Variants in SMARCC1 observed in about 807,000 individuals in gnomAD.
SMARCC1 encodes the protein SWI/SNF related BAF chromatin remodeling complex subunit C1.
Under a neutral mutation model 147.4 loss-of-function variants are expected in SMARCC1, and 43 were observed. The ratio of observed to expected loss-of-function variants is 0.29; its 90% confidence interval spans 0.23 to 0.38. The LOEUF (loss-of-function observed/expected upper bound fraction) is 0.38. Ranked by LOEUF, SMARCC1 falls within the 10% of genes least tolerant of loss-of-function variation. SMARCC1 has a pLI of 1.00. For synonymous variants in SMARCC1, 495 were observed against 484.4 expected, an observed-to-expected ratio of 1.02 and a Z score of -0.29; for missense variants, 1,119 against 1,381.1, an observed-to-expected ratio of 0.81 and a Z score of 3.01.
rs1553692339 is a variant in SMARCC1, at chr3:47,769,210, C to CCAAAAAAAA, written c.315+3606_315+3607insTTTTTTTTG. The stretch of plus-strand genomic sequence containing the variant: ...TGGATGACAGAGCGAGACTCCGTCT[C>CCAAAAAAAA]AAAAAAAAAAAAAAAAAAAAAAAGG... On this transcript the variant is annotated intron_variant, in intron 2 of 27. Transcript: ENST00000254480. Among the ~76,000 whole-genome samples, 3 of 33,102 alleles carry CCAAAAAAAA rather than the reference C, an allele frequency of 9.1e-5. 1 individual carries two copies. The highest frequency in any genetic ancestry group is 1.1e-4 in the Non-Finnish European group (2 of 18,986). The allele number at this position is 33,102 out of a possible 152,430, so 21.7% of individuals were successfully genotyped here.
At chr3:47,601,288 G>C (rs1250322283) in intron 26 of SMARCC1, among the ~76,000 whole-genome samples, 1 of 152,114 alleles carries the variant, frequency 6.6e-6, no homozygotes, top group Non-Finnish European at 1.5e-5. Context: ...TATTAGTAAA[G>C]GACCTTAATT....
intron 25 of SMARCC1, among the ~76,000 whole-genome samples, chr3:47,611,634 G>A (rs530830689): frequency 3.3e-5 from 5 of 152,262 alleles, no homozygotes; most frequent in Admixed American, 6.5e-5. Context: ...AGCAAGTTCT[G>A]TGGATAAACA....
intron 2 of SMARCC1, among the ~76,000 whole-genome samples, chr3:47,748,185 T>C (rs1224789577): frequency 6.6e-6 from 1 of 152,186 alleles, no homozygotes; most frequent in African/African-American, 2.4e-5. Context: ...ACATAAATTA[T>C]GCAAAAATTG....
Position 47,661,245 on chromosome 3 carries a change from G to A in SMARCC1, c.2320+49C>T, listed in dbSNP as rs748945277. 4.7e-6 allele frequency: 7 copies of A among 1,484,882 alleles called. No individual in the cohort carries two copies. In the South Asian group the frequency reaches 9.1e-5, roughly 19 times the overall value. The allele number at this position is 1,484,882 out of a possible 1,614,324, so 92.0% of individuals were successfully genotyped here. A position where few individuals can be genotyped will look rare whatever the true frequency, so the allele number is the denominator to read the frequency against. On this transcript the variant is annotated intron_variant, in intron 21 of 27. Coordinates refer to ENST00000254480, the MANE Select transcript of SMARCC1 (RefSeq NM_003074.4). ...CCCAATTATTTGAGTAAACTGACAG[G>A]AATACAAACATATATTAACCCTGTC...
At chr3:47,735,619 T>C (rs2034432532) in intron 5 of SMARCC1, among the ~76,000 whole-genome samples, 1 of 151,930 alleles carries the variant, frequency 6.6e-6, no homozygotes, top group Non-Finnish European at 1.5e-5. Flanking sequence ...AAAATACAAT[T>C]AGCACACACC....
intron 9 of SMARCC1, among the ~76,000 whole-genome samples, chr3:47,707,297 G>A (rs1186303513): frequency 6.7e-6 from 1 of 149,752 alleles, no homozygotes; most frequent in Non-Finnish European, 1.5e-5. Context: ...AGGTGACAGA[G>A]TAAGACTCCG....
intron 18 of SMARCC1, among the ~76,000 whole-genome samples, chr3:47,673,832 A>G (rs907648378): frequency 6.6e-6 from 1 of 152,162 alleles, no homozygotes; most frequent in Non-Finnish European, 1.5e-5. Flanking sequence ...CTCCTTTAAA[A>G]CTCAATTGAT....
intron 2 of SMARCC1, among the ~76,000 whole-genome samples, chr3:47,757,678 G>T (rs1397218896): frequency 6.6e-6 from 1 of 151,824 alleles, no homozygotes; most frequent in African/African-American, 2.4e-5. Context: ...CAGCTACTCG[G>T]GAGGCTGAGG....
chr3:47,697,211 C>G (rs1172552025), intron 11 of SMARCC1, among the ~76,000 whole-genome samples: 1 of 151,826 alleles, frequency 6.6e-6, no homozygotes, highest in Non-Finnish European at 1.5e-5. Context: ...CCAGCTGAAA[C>G]GAGAGGCTGA....
intron 21 of SMARCC1, among the ~76,000 whole-genome samples, chr3:47,640,206 G>C (rs1412616788): frequency 6.6e-6 from 1 of 151,778 alleles, no homozygotes; most frequent in East Asian, 1.9e-4. Flanking sequence ...TTATGAGATA[G>C]TGAAAAAAGA....
intron 17 of SMARCC1, among the ~76,000 whole-genome samples, chr3:47,676,370 T>C (rs1036306177): frequency 5.9e-5 from 9 of 152,164 alleles, no homozygotes; most frequent in African/African-American, 2.2e-4. Flanking sequence ...AATTTACTTT[T>C]ATGCATATAA....
chr3:47,771,367 C>T (rs2034912520), intron 2 of SMARCC1, among the ~76,000 whole-genome samples: 1 of 152,088 alleles, frequency 6.6e-6, no homozygotes, highest in Admixed American at 6.6e-5. Flanking sequence ...AATTAAAAGA[C>T]AAAAATTATG....
intron 3 of SMARCC1, among the ~76,000 whole-genome samples, chr3:47,740,193 TTTTTTTTTTTTTTTTTTTA>T (rs1430475214): frequency 7.7e-6 from 1 of 129,424 alleles, no homozygotes; most frequent in Non-Finnish European, 1.6e-5. Flanking sequence ...TTTTTTTTTT[TTTTTTTTTTTTTTTTTTTA>T]AAAGACAGAC....
At chr3:47,779,060 C>A (rs1246386876) in intron 1 of SMARCC1, among the ~76,000 whole-genome samples, 3 of 150,066 alleles carry the variant, frequency 2.0e-5, no homozygotes, top group African/African-American at 7.4e-5. Flanking sequence ...TAATATCTAT[C>A]ATTTAGGACT....
At chr3:47,659,084 C>A (rs2033301916) in intron 21 of SMARCC1, among the ~76,000 whole-genome samples, 1 of 144,502 alleles carries the variant, frequency 6.9e-6, no homozygotes, top group Non-Finnish European at 1.5e-5. Flanking sequence ...CACCATTGCA[C>A]TCCAGCCTGG....
intron 11 of SMARCC1, among the ~76,000 whole-genome samples, chr3:47,696,880 A>C (rs2033859127): frequency 6.6e-6 from 1 of 151,872 alleles, no homozygotes; most frequent in Admixed American, 6.6e-5. Flanking sequence ...GGTTTTTTTG[A>C]ATCGGGGTCT....
chr3:47,746,183 T>C, intron 2 of SMARCC1, 190 bp from the exon 3 acceptor site: 2 of 459,402 alleles, frequency 4.4e-6, no homozygotes, highest in Non-Finnish European at 7.6e-6. Context: ...GCATGGTGGC[T>C]CATGCCTGTA....
intron 2 of SMARCC1, among the ~76,000 whole-genome samples, chr3:47,770,942 C>T (rs137910461): frequency 0.011 from 1,606 of 152,166 alleles, 23 homozygotes; most frequent in Admixed American, 0.021. Flanking sequence ...GATGGAGTCT[C>T]ACTCTGTCGC....
intron 2 of SMARCC1, among the ~76,000 whole-genome samples, chr3:47,749,151 A>G (rs1184937174): frequency 6.6e-6 from 1 of 152,234 alleles, no homozygotes; most frequent in East Asian, 1.9e-4. Flanking sequence ...AAAAAATACA[A>G]AAATTAGCCG....
Sources: allele counts gnomAD v4.1 joint callset (sites outside exome capture counted in the v4.1 genomes callset), GRCh38; gene constraint gnomAD v4.1.1; transcripts MANE v1.5; gene names NCBI Gene and HGNC (gene_info 2026-07-23, HGNC 2026-07-21).